The following LHFPL1 variants were observed in gnomAD, a reference collection of about 807,000 sequenced individuals.
The protein encoded by LHFPL1 is LHFPL tetraspan subfamily member 1.
A neutral mutation model predicts 12.1 loss-of-function variants in LHFPL1; 4 were observed. That is an observed-to-expected ratio of 0.33 (90% CI 0.16 to 0.76). The LOEUF is 0.76. Ranked by LOEUF, LHFPL1 falls within the 30% of genes least tolerant of loss-of-function variation. The pLI, the probability that LHFPL1 is intolerant of heterozygous loss-of-function variation, is 0.61. For missense variants in LHFPL1, 141 were observed against 174.1 expected (o/e 0.81, Z 1.07); for synonymous variants, 52 against 61.9 (o/e 0.84, Z 0.75).
chrX:112,649,604 G>A (rs1222819147), intron 3 of LHFPL1, among the ~76,000 whole-genome samples: 1 of 111,627 alleles, frequency 9.0e-6, no homozygotes, highest in Non-Finnish European at 1.9e-5. Flanking sequence ...AAAAATACAC[G>A]AGAGATAAAT....
chrX:112,668,790 T>A (rs940356931), intron 2 of LHFPL1, among the ~76,000 whole-genome samples: 1 of 112,278 alleles, frequency 8.9e-6, no homozygotes, highest in African/African-American at 3.2e-5. Flanking sequence ...CTGAAATGCA[T>A]CATATGGAGA....
Position 112,648,072 on chromosome X carries a change from G to A in LHFPL1, c.481+12555C>T, listed in dbSNP as rs543413599. On this transcript the variant is annotated intron_variant, in intron 3 of 3. Coordinates refer to ENST00000371968, the MANE Select transcript of LHFPL1 (RefSeq NM_178175.4). ...CATCATTTTCAGCCAATTAACAGAG[G>A]AACAGAAAACCAAACACTGCATGAT... Among the ~76,000 whole-genome samples, 15 of 104,029 alleles carry A rather than the reference G, an allele frequency of 1.4e-4. No homozygotes were observed. The South Asian group carries it at 6.5e-3, about 45-fold the overall frequency. The allele number at this position is 104,029 out of a possible 115,157, so 90.3% of individuals were successfully genotyped here.
intron 3 of LHFPL1, among the ~76,000 whole-genome samples, chrX:112,639,951 C>T (rs887703421): frequency 1.8e-5 from 2 of 112,044 alleles, no homozygotes; most frequent in African/African-American, 3.2e-5. Context: ...TGGATGTATT[C>T]GATTCAGCGC....
intron 3 of LHFPL1, among the ~76,000 whole-genome samples, chrX:112,655,397 T>G (rs1428789144): frequency 1.8e-5 from 2 of 112,068 alleles, no homozygotes; most frequent in African/African-American, 6.5e-5. Flanking sequence ...GTTGTATCTT[T>G]GATCATTCAA....
intron 3 of LHFPL1, among the ~76,000 whole-genome samples, chrX:112,660,053 AATTAGAATCTAATATATT>A (rs1332459449): frequency 8.9e-6 from 1 of 112,372 alleles, no homozygotes; most frequent in East Asian, 2.8e-4. Flanking sequence ...GAAGTCTTCC[AATTAGAATCTAATATATT>A]ATCAACTCAC....
intron 3 of LHFPL1, among the ~76,000 whole-genome samples, chrX:112,632,584 A>C (rs773247728): frequency 3.6e-5 from 4 of 112,097 alleles, no homozygotes; most frequent in African/African-American, 1.3e-4. Context: ...ACTTTCACCT[A>C]TCTCTCTCTA....
chrX:112,663,668 C>T, intron 2 of LHFPL1, among the ~76,000 whole-genome samples: 1 of 112,365 alleles, frequency 8.9e-6, no homozygotes, highest in South Asian at 3.7e-4. Context: ...TCAAAGAGAT[C>T]ATCAACAACC....
chrX:112,637,433 C>T (rs1263538804), intron 3 of LHFPL1, among the ~76,000 whole-genome samples: 2 of 111,493 alleles, frequency 1.8e-5, no homozygotes, highest in African/African-American at 6.5e-5. Flanking sequence ...GAGTTAGCCC[C>T]AAACCAATGC....
intron 2 of LHFPL1, among the ~76,000 whole-genome samples, chrX:112,662,188 A>G (rs751118431): frequency 1.1e-4 from 12 of 112,574 alleles, no homozygotes; most frequent in Non-Finnish European, 1.7e-4. Flanking sequence ...ACTAATGAAC[A>G]TGGGAGGGAC....
intron 2 of LHFPL1, among the ~76,000 whole-genome samples, chrX:112,663,288 C>T (rs1931241853): frequency 8.9e-6 from 1 of 112,369 alleles, no homozygotes; most frequent in South Asian, 3.7e-4. Flanking sequence ...CATCTGCCTC[C>T]CTCACTAGAG....
intron 3 of LHFPL1, among the ~76,000 whole-genome samples, chrX:112,639,044 T>A (rs1298685076): frequency 8.9e-6 from 1 of 112,160 alleles, no homozygotes; most frequent in Admixed American, 9.4e-5. Context: ...AAAACATTTT[T>A]AATGCAGCCA....
At chrX:112,666,741 C>T (rs992686412) in intron 2 of LHFPL1, among the ~76,000 whole-genome samples, 8 of 111,829 alleles carry the variant, frequency 7.2e-5, no homozygotes, top group Middle Eastern at 4.7e-3. Flanking sequence ...TTGTGTAATA[C>T]GCACTTTAGC....
intron 3 of LHFPL1, among the ~76,000 whole-genome samples, chrX:112,660,268 A>G (rs1167033208): frequency 8.9e-6 from 1 of 112,375 alleles, no homozygotes; most frequent in Admixed American, 9.4e-5. Flanking sequence ...AGATTGACAA[A>G]CGATACTGTT....
At chrX:112,634,111 C>T (rs1271312236) in intron 3 of LHFPL1, among the ~76,000 whole-genome samples, 1 of 111,893 alleles carries the variant, frequency 8.9e-6, no homozygotes, top group African/African-American at 3.3e-5. Flanking sequence ...CTTTATTGCA[C>T]CTACTTCACA....
In LHFPL1 at chrX:112,640,700, T is replaced by C. The variant is rs140497857; in HGVS notation, c.482-9099A>G. Among the ~76,000 whole-genome samples, 340 of 111,563 alleles carry C rather than the reference T, an allele frequency of 3.0e-3. 1 individual carries two copies. The highest frequency in any genetic ancestry group is 0.01 in the African/African-American group (320 of 30,675). On this transcript the variant is annotated intron_variant, in intron 3 of 3. Transcript: ENST00000371968. ...AGAACTTACATAAAGAGAAGGAAGA[T>C]AGATTCTAGAGTTCTCATTGTGTGT...
chrX:112,658,527 A>G (rs933955523), intron 3 of LHFPL1, among the ~76,000 whole-genome samples: 14 of 111,917 alleles, frequency 1.3e-4, no homozygotes, highest in African/African-American at 4.2e-4. Flanking sequence ...ATAAGTACAC[A>G]AAAAGATGTT....
chrX:112,661,358 C>G (rs1240331185), intron 2 of LHFPL1, among the ~76,000 whole-genome samples: 1 of 111,626 alleles, frequency 9.0e-6, no homozygotes, highest in East Asian at 2.8e-4. Context: ...TTTTGTTGTA[C>G]CTTAGTGATA....
At chrX:112,633,068 C>T (rs925856046) in intron 3 of LHFPL1, among the ~76,000 whole-genome samples, 6 of 112,269 alleles carry the variant, frequency 5.3e-5, no homozygotes, top group Non-Finnish European at 1.1e-4. Context: ...GACAGATGTA[C>T]CTGCTGGACA....
intron 3 of LHFPL1, among the ~76,000 whole-genome samples, chrX:112,649,170 T>C (rs1202859007): frequency 1.8e-5 from 2 of 112,420 alleles, no homozygotes; most frequent in East Asian, 5.6e-4. Context: ...TGTGCCATGT[T>C]GGTGTGCTGC....
Sources: gnomAD v4.1 joint callset for allele counts (sites outside exome capture counted in the v4.1 genomes callset) on GRCh38, gnomAD v4.1.1 for gene constraint, MANE v1.5 for transcripts, NCBI Gene and HGNC (gene_info 2026-07-23, HGNC 2026-07-21) for gene names.